The following SLC39A8 variants were observed in gnomAD, a reference collection of about 807,000 sequenced individuals.
SLC39A8 encodes the protein metal cation symporter ZIP8.
Under a neutral mutation model 40.4 loss-of-function variants are expected in SLC39A8, and 15 were observed. The observed-to-expected ratio is 0.37, with a 90% confidence interval of 0.25 to 0.57. The LOEUF is 0.57. Among genes scored for constraint, SLC39A8 ranks in the 20% least tolerant of loss-of-function variants. The pLI is 0.75. For missense variants in SLC39A8, 472 were observed against 558.8 expected, an observed-to-expected ratio of 0.84 and a Z score of 1.57; for synonymous variants, 223 against 221.6, an observed-to-expected ratio of 1.01 and a Z score of -0.06.
intron 8 of SLC39A8, among the ~76,000 whole-genome samples, chr4:102,264,011 G>C (rs1198112488): frequency 6.6e-6 from 1 of 152,152 alleles, no homozygotes; most frequent in Admixed American, 6.5e-5. Flanking sequence ...TCATCCATGA[G>C]GGTTGAAATC....
chr4:102,337,940 A>G (rs947856815), intron 2 of SLC39A8, among the ~76,000 whole-genome samples: 1 of 152,200 alleles, frequency 6.6e-6, no homozygotes, highest in African/African-American at 2.4e-5. Context: ...ATTTGGTATA[A>G]GCAAGAGTTC....
intron 11 of SLC39A8, among the ~76,000 whole-genome samples, chr4:102,256,215 C>G (rs1731705605): frequency 6.6e-6 from 1 of 152,138 alleles, no homozygotes; most frequent in Non-Finnish European, 1.5e-5. Context: ...AACGTCTCAG[C>G]AATACAGTCA....
chr4:102,286,098 T>C (rs1408158059), intron 6 of SLC39A8, among the ~76,000 whole-genome samples: 4 of 152,036 alleles, frequency 2.6e-5, no homozygotes, highest in African/African-American at 9.6e-5. Context: ...TGGACATCCT[T>C]TATAAGGCAA....
At chr4:102,284,936 C>T (rs143676411) in intron 6 of SLC39A8, among the ~76,000 whole-genome samples, 20 of 152,126 alleles carry the variant, frequency 1.3e-4, no homozygotes, top group African/African-American at 4.3e-4. Flanking sequence ...GACCAGAGGC[C>T]GGAATGTCTT....
chr4:102,342,193 C>T (rs1735972986), intron 2 of SLC39A8, among the ~76,000 whole-genome samples: 1 of 152,154 alleles, frequency 6.6e-6, no homozygotes, highest in Non-Finnish European at 1.5e-5. Context: ...TGATTATTGT[C>T]ATCATTAGGA....
chr4:102,317,381 C>T (rs543788979), intron 2 of SLC39A8, among the ~76,000 whole-genome samples: 14 of 152,114 alleles, frequency 9.2e-5, no homozygotes, highest in Non-Finnish European at 1.3e-4. Flanking sequence ...TAAAATTGTT[C>T]CTTATTCAAC....
In SLC39A8 at chr4:102,262,284, A is replaced by G. The variant is rs751772569; in HGVS notation, c.*760T>C. ...CTGAAACCGAGGTGTTACCAGCTTTACATACTGTTCTGCCATTTGTGAGGG... is the reference window on the plus strand; with the variant it reads ...CTGAAACCGAGGTGTTACCAGCTTTGCATACTGTTCTGCCATTTGTGAGGG... On this transcript the variant is annotated 3_prime_UTR_variant, in exon 9 of 9. Transcript: ENST00000356736. 234 of 985,636 alleles carry G rather than the reference A, an allele frequency of 2.4e-4. No individual in the cohort carries two copies. The highest frequency in any genetic ancestry group is 3.1e-4 in the Admixed American group (5 of 16,244). 61.1% of individuals were successfully genotyped at this position (985,636 alleles called of 1,614,324 possible).
intron 6 of SLC39A8, among the ~76,000 whole-genome samples, chr4:102,270,998 G>C: frequency 6.6e-6 from 1 of 151,956 alleles, no homozygotes; most frequent in East Asian, 1.9e-4. Context: ...TGGGGGAATA[G>C]GGAGCACAAG....
intron 6 of SLC39A8, among the ~76,000 whole-genome samples, chr4:102,301,644 G>A (rs766309169): frequency 2.6e-5 from 4 of 152,014 alleles, no homozygotes; most frequent in Non-Finnish European, 5.9e-5. Flanking sequence ...ACTGTCATAA[G>A]TGGAATAAAA....
intron 6 of SLC39A8, among the ~76,000 whole-genome samples, chr4:102,276,284 T>TA (rs771510407): frequency 9.1e-4 from 137 of 150,862 alleles, no homozygotes; most frequent in Non-Finnish European, 1.6e-3. Flanking sequence ...ATAGACACAA[T>TA]AAAAAAAATG....
intron 6 of SLC39A8, among the ~76,000 whole-genome samples, chr4:102,298,054 AG>A (rs1388738996): frequency 6.6e-6 from 1 of 152,038 alleles, no homozygotes. Context: ...GACCCAGAGT[AG>A]TTTTTTTAAG....
chr4:102,327,015 C>G (rs1735235367), intron 2 of SLC39A8, among the ~76,000 whole-genome samples: 1 of 152,182 alleles, frequency 6.6e-6, no homozygotes, highest in South Asian at 2.1e-4. Flanking sequence ...GGCATGGTGG[C>G]TCACACTTGT....
intron 6 of SLC39A8, among the ~76,000 whole-genome samples, chr4:102,288,832 A>C (rs978913964): frequency 6.6e-6 from 1 of 152,166 alleles, no homozygotes. Flanking sequence ...GGAAGGTAGC[A>C]GAATTGGTTC....
intron 6 of SLC39A8, among the ~76,000 whole-genome samples, chr4:102,297,984 C>G (rs1319413944): frequency 6.6e-6 from 1 of 151,674 alleles, no homozygotes; most frequent in African/African-American, 2.4e-5. Context: ...GAGGAACTGG[C>G]CTTAAAAAGG....
intron 6 of SLC39A8, among the ~76,000 whole-genome samples, chr4:102,269,329 G>A (rs151402): frequency 0.62 from 94,531 of 152,036 alleles, 29,939 homozygotes; most frequent in Middle Eastern, 0.73. Flanking sequence ...TTACTATTTC[G>A]TTAGTGGCAA....
At position 102,278,585 on chromosome 4, in the gene SLC39A8, T is replaced by A. The variant is rs945588252; in HGVS notation, c.841-10506A>T. On this transcript the variant is annotated intron_variant, in intron 6 of 8. Coordinates refer to ENST00000356736, the MANE Select transcript of SLC39A8 (RefSeq NM_001135146.2). Reference sequence around the variant, plus strand: ...CCATTGTGGAAGACAGTGTAGCAATTCCTCAAGGATCTAGAACCAGAAATG... The same window carrying A: ...CCATTGTGGAAGACAGTGTAGCAATACCTCAAGGATCTAGAACCAGAAATG... Among the ~76,000 whole-genome samples, 58 of 151,078 alleles carry A rather than the reference T, an allele frequency of 3.8e-4. 3 individuals carry two copies. Among genetic ancestry groups the A allele is most frequent in the Admixed American group, 3.3e-4 (5 of 15,154 alleles).
Position 102,344,482 on chromosome 4 carries a change from C to T in SLC39A8, c.181G>A (p.Val61Met), listed in dbSNP as rs780986200. Residue 61 changes from valine to methionine, a missense_variant, in exon 2 of 9, where the codon GTG becomes ATG. Coordinates refer to ENST00000356736, the MANE Select transcript of SLC39A8 (RefSeq NM_001135146.2). ...AGCTGGCCAGGCTCCGGGACGCCCA[C>T]GCGGGAGGCGGCTCCCATCTGCTCC... ...LLEQMGAASR[V>M]GVPEPGQLHF... 2 of 1,549,694 alleles carry T rather than the reference C, an allele frequency of 1.3e-6. No individual in the cohort carries two copies. Among genetic ancestry groups the T allele is most frequent in the Non-Finnish European group, 8.7e-7 (1 of 1,147,526 alleles).
Position 102,262,396 on chromosome 4 carries a change from C to A in SLC39A8, c.*648G>T. ...TTATACTTAGCGATAAGCCTCTAAG[C>A]CTGAACTTAGCAGGGCTAGCAAAAC... On this transcript the variant is annotated 3_prime_UTR_variant, in exon 9 of 9. Transcript: ENST00000356736. 1 of 985,492 alleles carries A rather than the reference C, an allele frequency of 1.0e-6. No individual in the cohort carries two copies. The highest frequency in any genetic ancestry group is 1.2e-6 in the Non-Finnish European group (1 of 829,900). 61.0% of individuals were successfully genotyped at this position (985,492 alleles called of 1,614,324 possible).
chr4:102,310,734 T>G (rs1734394533), intron 3 of SLC39A8, among the ~76,000 whole-genome samples: 1 of 152,232 alleles, frequency 6.6e-6, no homozygotes, highest in East Asian at 1.9e-4. Flanking sequence ...GCACCAAAAG[T>G]ATACATTAGT....
Sources: allele counts gnomAD v4.1 joint callset (sites outside exome capture counted in the v4.1 genomes callset), GRCh38; gene constraint gnomAD v4.1.1; transcripts MANE v1.5; gene names NCBI Gene and HGNC (gene_info 2026-07-23, HGNC 2026-07-21).